MEIOC: variants seen among roughly 807,000 people sequenced by gnomAD.
The protein encoded by MEIOC is meiosis specific with coiled-coil domain.
In MEIOC, 9 loss-of-function variants were observed where a neutral mutation model predicts 85.3. That is an observed-to-expected ratio of 0.11 (90% CI 0.06 to 0.18). MEIOC has a LOEUF of 0.18. Among genes scored for constraint, MEIOC ranks in the 10% least tolerant of loss-of-function variants. MEIOC has a pLI of 1.00. For missense variants in MEIOC, 898 were observed against 1,129.4 expected, an observed-to-expected ratio of 0.80 and a Z score of 2.94; for synonymous variants, 365 against 393.7, an observed-to-expected ratio of 0.93 and a Z score of 0.86.
rs1424108541 is a variant in MEIOC, at chr17:44,668,099, T to A, written c.2188T>A (p.Ser730Thr). 6.2e-7 allele frequency: 1 copy of A among 1,613,790 alleles called. No homozygotes were observed. Among genetic ancestry groups the A allele is most frequent in the Admixed American group, 1.7e-5 (1 of 59,988 alleles). Reference sequence around the variant, plus strand: ...TTTTAATATGATGTATGGTGATAATTCTTTTTCTGGTCTCATGCCAACTTT... The same window carrying A: ...TTTTAATATGATGTATGGTGATAATACTTTTTCTGGTCTCATGCCAACTTT... ...PYFNMMYGDN[S>T]FSGLMPTFGF... is the part of the protein sequence containing the mutation. The change falls in exon 5 of 8, where the codon TCT (serine) becomes ACT (threonine). Residue 730 changes from serine to threonine, a missense_variant. Around this residue, in one of 2 missense-constraint regions of MEIOC, gnomAD observed 734 missense variants for 860.1 expected, o/e 0.85. Transcript: ENST00000409122.
chr17:44,666,765 T>C lies in MEIOC; in HGVS notation c.854T>C (p.Val285Ala), dbSNP rs1971909517. The change falls in exon 5 of 8, where the codon GTT becomes GCT. Residue 285 changes from valine to alanine, a missense_variant. Around this residue, in one of 2 missense-constraint regions of MEIOC, gnomAD observed 734 missense variants for 860.1 expected, o/e 0.85. Coordinates refer to ENST00000409122, the MANE Select transcript of MEIOC (RefSeq NM_001145080.3). ...GLSDIMKESG[V>A]DIYHYGRDRI... ...TCTGATATCATGAAAGAATCAGGAG[T>C]TGATATCTACCATTATGGAAGAGAC... 1 of 1,613,274 alleles carries C rather than the reference T, an allele frequency of 6.2e-7. No individual in the cohort carries two copies. Among genetic ancestry groups the C allele is most frequent in the Non-Finnish European group, 8.5e-7 (1 of 1,179,764 alleles).
intron 2 of MEIOC, among the ~76,000 whole-genome samples, chr17:44,660,365 T>C (rs1027874584): frequency 6.6e-6 from 1 of 152,012 alleles, no homozygotes; most frequent in African/African-American, 2.4e-5. Flanking sequence ...CTCAGCCTCT[T>C]GAGTAGCTGG....
At position 44,666,950 on chromosome 17, in the gene MEIOC, G is replaced by A. The variant is rs1325640456; in HGVS notation, c.1039G>A (p.Val347Ile). The change falls in exon 5 of 8, where the codon GTC (valine) becomes ATC (isoleucine). Residue 347 changes from valine to isoleucine, a missense_variant. Physicochemically the swap from Val to Ile is conservative, Grantham distance 29. Around this residue, in one of 2 missense-constraint regions of MEIOC, gnomAD observed 734 missense variants for 860.1 expected, o/e 0.85. Coordinates refer to ENST00000409122, the MANE Select transcript of MEIOC (RefSeq NM_001145080.3). ...AKLNKCSNFS[V>I]QDSKKLANGT... The stretch of plus-strand genomic sequence containing the variant: ...GCTTAATAAATGTTCAAATTTTAGT[G>A]TCCAAGATAGCAAAAAATTAGCCAA... 6.2e-7 allele frequency: 1 copy of A among 1,611,270 alleles called. No individual in the cohort carries two copies. Among genetic ancestry groups the A allele is most frequent in the Non-Finnish European group, 8.5e-7 (1 of 1,178,442 alleles).
At position 44,673,393 on chromosome 17, in the gene MEIOC, C is replaced by T. The variant is rs1324042118; in HGVS notation, c.2485C>T (p.Arg829Cys). The change falls in exon 7 of 8, where the codon CGT (arginine) becomes TGT (cysteine). Residue 829 changes from arginine (R) to cysteine (C), a missense_variant. By Grantham distance (180) the Arg-to-Cys change is radical. Transcript: ENST00000409122. ...TGTGACTTTACTAGGCAAAATGGAA[C>T]GTCTTCGGAGTTCTCTTCTTCATGC... ...RVVTLLGKME[R>C]LRSSLLHASI... 6 of 1,543,782 alleles carry T rather than the reference C, an allele frequency of 3.9e-6. No individual in the cohort carries two copies. Among genetic ancestry groups the T allele is most frequent in the Non-Finnish European group, 2.6e-6 (3 of 1,144,708 alleles).
chr17:44,662,427 T>C lies in MEIOC; in HGVS notation c.315T>C (p.Asp105=). ...LFCAPWSTYG[D]DIKQPSNSQI... is the part of the protein sequence containing the mutation. The stretch of plus-strand genomic sequence containing the variant: ...GTGCACCATGGTCTACTTATGGAGA[T>C]GACATTAAACAACCTTCTAATTCTC... The change falls in exon 3 of 8, where the codon GAT becomes GAC. Residue 105 remains aspartate (D), a synonymous_variant. Coordinates refer to ENST00000409122, the MANE Select transcript of MEIOC (RefSeq NM_001145080.3). 6.5e-7 allele frequency: 1 copy of C among 1,548,474 alleles called. No individual in the cohort carries two copies. Among genetic ancestry groups the C allele is most frequent in the Non-Finnish European group, 8.7e-7 (1 of 1,144,750 alleles).
At chr17:44,656,756 A>C (rs1971761813) in intron 1 of MEIOC, 74 bp downstream of exon 1, 5 of 975,620 alleles carry the variant, frequency 5.1e-6, no homozygotes, top group Non-Finnish European at 5.2e-6. Flanking sequence ...GAGGCTGAGG[A>C]GGGGGCGCGT....
At chr17:44,656,760 G>T (rs1364915785) in intron 1 of MEIOC, 78 bp downstream of exon 1, 2 of 1,215,486 alleles carry the variant, frequency 1.6e-6, no homozygotes. Context: ...CTGAGGAGGG[G>T]GCGCGTCCCT....
At position 44,670,278 on chromosome 17, in the gene MEIOC, A is replaced by AAG. The variant is rs10639650; in HGVS notation, c.2457+761_2457+762insAG. The AAG allele has an allele frequency of 2.6e-4, 38 of 148,790 alleles. No homozygotes were observed. The South Asian group carries it at 4.9e-3, about 19-fold the overall frequency. 9.2% of individuals were successfully genotyped at this position (148,790 alleles called of 1,614,324 possible). ...ATCTTGTCTCAAAAAAAAAAAAAAA[A>AAG]GAAAAAAAAAGAAAAAGGAACGGGA... On this transcript the variant is annotated intron_variant, in intron 6 of 7. Coordinates refer to ENST00000409122, the MANE Select transcript of MEIOC (RefSeq NM_001145080.3).
At chr17:44,673,750 G>A (rs1972040205) in intron 7 of MEIOC, 3 of 706,066 alleles carry the variant, frequency 4.2e-6, no homozygotes. Flanking sequence ...AAGACAGTCT[G>A]TGTTCTACTC....
At chr17:44,658,154 A>AT (rs71136034) in intron 2 of MEIOC, among the ~76,000 whole-genome samples, 12 of 128,584 alleles carry the variant, frequency 9.3e-5, no homozygotes, top group African/African-American at 2.7e-4. Context: ...CCCAGGAACA[A>AT]TTTTTTTTTT....
At chr17:44,676,958 T>C (rs1972084636), downstream of MEIOC, 1 of 984,678 alleles carries the variant, frequency 1.0e-6, no homozygotes, top group South Asian at 4.7e-5. Context: ...AGCATTAGTT[T>C]GAGAGTATAC....
At chr17:44,671,959 G>GAA (rs200118904) in intron 6 of MEIOC, among the ~76,000 whole-genome samples, 2 of 149,918 alleles carry the variant, frequency 1.3e-5, no homozygotes, top group African/African-American at 4.9e-5. Flanking sequence ...GTAGAATTTT[G>GAA]AAAAAAAAAT....
intron 2 of MEIOC, among the ~76,000 whole-genome samples, chr17:44,658,549 C>T (rs1971800742): frequency 6.6e-6 from 1 of 151,598 alleles, no homozygotes; most frequent in African/African-American, 2.4e-5. Flanking sequence ...AATCCCAGCA[C>T]TCTGGGGGGC....
chr17:44,664,951 A>C (rs1971885910), intron 3 of MEIOC, among the ~76,000 whole-genome samples: 1 of 152,214 alleles, frequency 6.6e-6, no homozygotes, highest in Non-Finnish European at 1.5e-5. Flanking sequence ...AGAATAGAGC[A>C]TCAGGTTCAT....
chr17:44,665,371 C>A lies in MEIOC; in HGVS notation c.360-13C>A. On this transcript the variant is annotated splice_polypyrimidine_tract_variant and intron_variant, in intron 3 of 7. Coordinates refer to ENST00000409122, the MANE Select transcript of MEIOC (RefSeq NM_001145080.3). ...AATATATTGTATTTCAGCACGAATT[C>A]ATTTATTTTTAGGATTCAAACAGAA... is the stretch of plus-strand genomic sequence containing the variant. The A allele has an allele frequency of 2.0e-6, 3 of 1,493,442 alleles. No homozygotes were observed. The highest frequency in any genetic ancestry group is 2.7e-6 in the Non-Finnish European group (3 of 1,103,614). The allele number at this position is 1,493,442 out of a possible 1,614,324, so 92.5% of individuals were successfully genotyped here.
In MEIOC at chr17:44,666,768, A is replaced by C. The variant is rs1050263239; in HGVS notation, c.857A>C (p.Asp286Ala). The C allele has an allele frequency of 6.2e-7, 1 of 1,613,504 alleles. No homozygotes were observed. Among genetic ancestry groups the C allele is most frequent in the African/African-American group, 1.3e-5 (1 of 74,936 alleles). The change falls in exon 5 of 8, where the codon GAT becomes GCT. Residue 286 changes from aspartate (D) to alanine (A), a missense_variant. By Grantham distance (126) the Asp-to-Ala change is moderately radical (BLOSUM62 -2). This residue lies in a region of MEIOC where 734 missense variants were observed against 860.1 expected (regional missense o/e 0.85). Coordinates refer to ENST00000409122, the MANE Select transcript of MEIOC (RefSeq NM_001145080.3). ...LSDIMKESGV[D>A]IYHYGRDRIC... ...GATATCATGAAAGAATCAGGAGTTGATATCTACCATTATGGAAGAGACAGA... is the reference window on the plus strand; with the variant it reads ...GATATCATGAAAGAATCAGGAGTTGCTATCTACCATTATGGAAGAGACAGA...
At chr17:44,671,724 G>A (rs1294831781) in intron 6 of MEIOC, among the ~76,000 whole-genome samples, 1 of 151,678 alleles carries the variant, frequency 6.6e-6, no homozygotes, top group Non-Finnish European at 1.5e-5. Context: ...GGCTAACACG[G>A]TGAAACCCGG....
chr17:44,660,288 T>G lies in MEIOC; in HGVS notation c.205-2029T>G, dbSNP rs1971826099. Among the ~76,000 whole-genome samples the G allele has an allele frequency of 2.0e-5, 3 of 152,276 alleles. No individual in the cohort carries two copies. In the South Asian group the frequency reaches 6.2e-4, roughly 32 times the overall value. ...TGGAGTCTCCCTCTGTTGCCCAGGC[T>G]GGAGTGCAATAGCTCAATCTTGGCT... On this transcript the variant is annotated intron_variant, in intron 2 of 7. Coordinates refer to ENST00000409122, the MANE Select transcript of MEIOC (RefSeq NM_001145080.3).
intron 3 of MEIOC, among the ~76,000 whole-genome samples, chr17:44,663,603 T>G (rs1971868709): frequency 6.6e-6 from 1 of 152,146 alleles, no homozygotes; most frequent in African/African-American, 2.4e-5. Flanking sequence ...TTGGCTAAGA[T>G]CAAGTGAAAA....
Sources: allele counts gnomAD v4.1 joint callset (sites outside exome capture counted in the v4.1 genomes callset), GRCh38; gene constraint gnomAD v4.1.1; regional missense constraint gnomAD v4.1.1; transcripts MANE v1.5; gene names NCBI Gene and HGNC (gene_info 2026-07-23, HGNC 2026-07-21).